Variants in COLEC10 observed in about 807,000 individuals in gnomAD.
COLEC10 encodes collectin-10.
Under a neutral mutation model 28.4 loss-of-function variants are expected in COLEC10, and 22 were observed. That is an observed-to-expected ratio of 0.78 (90% CI 0.55 to 1.11). COLEC10 has a LOEUF of 1.11. COLEC10 is among the 50% of genes least tolerant of loss of function. The probability of loss-of-function intolerance (pLI) is 0.00; values close to 1 mark genes in which losing one functional copy is unlikely to be tolerated. For missense variants in COLEC10, 361 were observed against 344.1 expected, an observed-to-expected ratio of 1.05 and a Z score of -0.39; for synonymous variants, 125 against 116.1, an observed-to-expected ratio of 1.08 and a Z score of -0.49.
chr8:118,980,786 G>A, the COLEC10 span, among the ~76,000 whole-genome samples: 1 of 152,062 alleles, frequency 6.6e-6, no homozygotes, highest in South Asian at 2.1e-4. Context: ...GATTGTAGAA[G>A]TTTCATTTGT....
the COLEC10 span, among the ~76,000 whole-genome samples, chr8:118,970,770 G>A: frequency 1.6e-4 from 25 of 151,724 alleles, no homozygotes; most frequent in Admixed American, 4.6e-4. Flanking sequence ...ATAATGTAAT[G>A]AGTAAGTACT....
At chr8:119,027,750 T>A (rs910628976) in intron 2 of COLEC10, among the ~76,000 whole-genome samples, 3 of 152,334 alleles carry the variant, frequency 2.0e-5, no homozygotes, top group East Asian at 1.9e-4. Context: ...TCCTCTGACT[T>A]ATGTCTTTGA....
At chr8:119,082,531 T>C (rs977996274) in intron 1 of COLEC10, among the ~76,000 whole-genome samples, 29 of 152,232 alleles carry the variant, frequency 1.9e-4, no homozygotes, top group African/African-American at 6.0e-4. Context: ...CACAATGCAA[T>C]AGGACACTAT....
the COLEC10 span, among the ~76,000 whole-genome samples, chr8:118,960,711 T>TG: frequency 8.2e-6 from 1 of 121,514 alleles, no homozygotes; most frequent in East Asian, 2.6e-4. Context: ...CTTGAACCGG[T>TG]GGGGGGTGGA....
At chr8:119,020,707 T>A (rs1461615412) in intron 2 of COLEC10, among the ~76,000 whole-genome samples, 2 of 152,214 alleles carry the variant, frequency 1.3e-5, no homozygotes, top group Non-Finnish European at 2.9e-5. Context: ...TTCCACTTAC[T>A]TTTTTATTAT....
the COLEC10 span, among the ~76,000 whole-genome samples, chr8:118,965,804 T>C: frequency 6.6e-6 from 1 of 152,166 alleles, no homozygotes; most frequent in African/African-American, 2.4e-5. Flanking sequence ...ATTGATATTT[T>C]TTGATTGTGG....
intron 2 of COLEC10, among the ~76,000 whole-genome samples, chr8:119,019,596 T>C (rs1229149853): frequency 6.6e-6 from 1 of 152,144 alleles, no homozygotes; most frequent in Non-Finnish European, 1.5e-5. Context: ...TTTTCCTGTG[T>C]GAGGTCTTCC....
the COLEC10 span, among the ~76,000 whole-genome samples, chr8:118,981,289 TG>T: frequency 3.3e-5 from 5 of 152,134 alleles, no homozygotes; most frequent in African/African-American, 1.2e-4. Context: ...TGCAGAATCA[TG>T]GGCACCAAAC....
intron 1 of COLEC10, among the ~76,000 whole-genome samples, chr8:118,996,459 T>A (rs1813592057): frequency 6.6e-6 from 1 of 152,210 alleles, no homozygotes; most frequent in Admixed American, 6.5e-5. Context: ...AGTGGCTACA[T>A]CATTTTACAT....
At position 119,026,657 on chromosome 8, in the gene COLEC10, G is replaced by A. The variant is rs555556098; in HGVS notation, n.235+17104G>A. Among the ~76,000 whole-genome samples the A allele has an allele frequency of 7.0e-4, 106 of 152,176 alleles. 1 individual carries two copies. The highest frequency in any genetic ancestry group is 1.2e-3 in the Non-Finnish European group (79 of 68,036). ...AGAACAGACTCTGAAAATGGGAATA[G>A]TTTGTAGGATGTTTACTAAATAGTG... On this transcript the variant is annotated intron_variant and non_coding_transcript_variant, in intron 2 of 6. Coordinates refer to the COLEC10 transcript ENST00000521788.
intron 2 of COLEC10, among the ~76,000 whole-genome samples, chr8:119,014,851 C>T (rs1367008313): frequency 6.6e-6 from 1 of 150,906 alleles, no homozygotes; most frequent in Non-Finnish European, 1.5e-5. Context: ...GTGTCCAGTC[C>T]ATTAATAAGT....
At chr8:118,982,571 A>G in the COLEC10 span, 3 of 189,680 alleles carry the variant, frequency 1.6e-5, no homozygotes, top group South Asian at 1.3e-4. Flanking sequence ...ACAAGAATCA[A>G]TCTTCATCTT....
At chr8:119,074,111 G>T (rs867723470) in intron 1 of COLEC10, among the ~76,000 whole-genome samples, 13 of 152,110 alleles carry the variant, frequency 8.5e-5, no homozygotes, top group Middle Eastern at 6.8e-3. Context: ...CTGAACTCAT[G>T]GAGATAGAGA....
intron 2 of COLEC10, among the ~76,000 whole-genome samples, chr8:119,038,384 G>T (rs1159752314): frequency 6.6e-6 from 1 of 152,208 alleles, no homozygotes; most frequent in Non-Finnish European, 1.5e-5. Flanking sequence ...AAAGTCAAAG[G>T]ATGGGACAGT....
chr8:119,029,907 AC>A (rs983804716), intron 2 of COLEC10, among the ~76,000 whole-genome samples: 29 of 152,340 alleles, frequency 1.9e-4, no homozygotes, highest in African/African-American at 6.7e-4. Context: ...GCATGGGTTG[AC>A]CAGGAAGCCT....
At chr8:119,099,126 T>C (rs1815774243) in intron 3 of COLEC10, among the ~76,000 whole-genome samples, 2 of 152,110 alleles carry the variant, frequency 1.3e-5, no homozygotes, top group South Asian at 4.1e-4. Context: ...GAAAGCATTA[T>C]GATTTTTTTG....
intron 1 of COLEC10, among the ~76,000 whole-genome samples, chr8:119,073,891 T>C (rs1310916071): frequency 2.6e-5 from 4 of 151,870 alleles, no homozygotes; most frequent in African/African-American, 9.7e-5. Flanking sequence ...CTTTTATATG[T>C]ATATATCATA....
the COLEC10 span, among the ~76,000 whole-genome samples, chr8:118,982,084 G>T: frequency 6.6e-6 from 1 of 151,864 alleles, no homozygotes; most frequent in Non-Finnish European, 1.5e-5. Context: ...AGCTCAGTCC[G>T]ACATGATTGG....
chr8:119,106,269 T>G lies in COLEC10; in HGVS notation c.*78T>G. 1 of 1,436,504 alleles carries G rather than the reference T, an allele frequency of 7.0e-7. No homozygotes were observed. The highest frequency in any genetic ancestry group is 9.5e-7 in the Non-Finnish European group (1 of 1,055,436). The allele number at this position is 1,436,504 out of a possible 1,614,324, so 89.0% of individuals were successfully genotyped here. Reference sequence around the variant, plus strand: ...TGTTATCCATCCTTTTTTTCCTGATTGTACTACATTTGATCTGAGTCAACA... The same window carrying G: ...TGTTATCCATCCTTTTTTTCCTGATGGTACTACATTTGATCTGAGTCAACA... On this transcript the variant is annotated 3_prime_UTR_variant, in exon 6 of 6. Transcript: ENST00000332843.
Sources: gnomAD v4.1 joint callset for allele counts (sites outside exome capture counted in the v4.1 genomes callset) on GRCh38, gnomAD v4.1.1 for gene constraint, MANE v1.5 for transcripts, NCBI Gene and HGNC (gene_info 2026-07-23, HGNC 2026-07-21) for gene names.